Variants in LRRC20 observed in about 807,000 individuals in gnomAD.
The protein encoded by LRRC20 is leucine-rich repeat-containing protein 20.
Under a neutral mutation model 14.4 loss-of-function variants are expected in LRRC20, and 11 were observed. The observed-to-expected ratio is 0.77, with a 90% CI of 0.48 to 1.27. The LOEUF (loss-of-function observed/expected upper bound fraction) is 1.27, where lower values mean the gene tolerates loss of function less well. LRRC20 is among the 50% of genes most tolerant of loss of function. LRRC20 has a pLI of 0.00. For synonymous variants in LRRC20, 121 were observed against 107.3 expected, an observed-to-expected ratio of 1.13 and a Z score of -0.79; for missense variants, 219 against 251.2, an observed-to-expected ratio of 0.87 and a Z score of 0.87.
At chr10:70,333,665 C>T (rs1425066346) in intron 3 of LRRC20, among the ~76,000 whole-genome samples, 1 of 152,176 alleles carries the variant, frequency 6.6e-6, no homozygotes, top group Non-Finnish European at 1.5e-5. Flanking sequence ...CAGGTAGCTC[C>T]AGGGGTGGGG....
At chr10:70,315,997 C>T (rs927088315) in intron 4 of LRRC20, among the ~76,000 whole-genome samples, 1 of 152,172 alleles carries the variant, frequency 6.6e-6, no homozygotes, top group African/African-American at 2.4e-5. Context: ...GGCATCCTTG[C>T]AAAGCTGGGC....
intron 3 of LRRC20, among the ~76,000 whole-genome samples, chr10:70,340,120 C>CAA (rs1172436748): frequency 2.4e-5 from 3 of 125,208 alleles, no homozygotes; most frequent in Non-Finnish European, 3.5e-5. Flanking sequence ...GATTCCATCT[C>CAA]AAAAAAAAAA....
intron 1 of LRRC20, among the ~76,000 whole-genome samples, chr10:70,380,589 T>C (rs1292663205): frequency 6.6e-6 from 1 of 152,200 alleles, no homozygotes; most frequent in East Asian, 1.9e-4. Context: ...CAGCTGGCAC[T>C]ACTGGCCCCA....
chr10:70,346,815 A>G (rs1345097053), intron 2 of LRRC20, among the ~76,000 whole-genome samples: 1 of 152,272 alleles, frequency 6.6e-6, no homozygotes, highest in East Asian at 1.9e-4. Flanking sequence ...TTCTATATTT[A>G]TATAAAACCA....
At chr10:70,333,496 C>T (rs1842614573) in intron 3 of LRRC20, among the ~76,000 whole-genome samples, 1 of 152,180 alleles carries the variant, frequency 6.6e-6, no homozygotes, top group Non-Finnish European at 1.5e-5. Flanking sequence ...CCTCAAAATG[C>T]CCTCTGACCT....
At chr10:70,345,128 AAC>A (rs1843030232) in intron 2 of LRRC20, among the ~76,000 whole-genome samples, 1 of 152,202 alleles carries the variant, frequency 6.6e-6, no homozygotes, top group Admixed American at 6.5e-5. Context: ...AAATAATTAA[AAC>A]AGAGGGCAAA....
intron 2 of LRRC20, among the ~76,000 whole-genome samples, chr10:70,374,596 G>C (rs546087151): frequency 6.6e-6 from 1 of 151,942 alleles, no homozygotes; most frequent in African/African-American, 2.4e-5. Flanking sequence ...CACCTGCTTC[G>C]GCCTCCCAAA....
chr10:70,302,857 C>CGT (rs1841264294), intron 4 of LRRC20, among the ~76,000 whole-genome samples: 2 of 151,992 alleles, frequency 1.3e-5, no homozygotes, highest in South Asian at 4.2e-4. Context: ...ACTACAGGCG[C>CGT]GCGCCACCAT....
intron 3 of LRRC20, among the ~76,000 whole-genome samples, chr10:70,333,080 C>T (rs368632852): frequency 2.4e-4 from 36 of 152,190 alleles, no homozygotes; most frequent in African/African-American, 8.4e-4. Flanking sequence ...ACATCTGAAT[C>T]GCAGAGCTGG....
chr10:70,315,020 G>A (rs1240708593), intron 4 of LRRC20, among the ~76,000 whole-genome samples: 5 of 152,232 alleles, frequency 3.3e-5, no homozygotes, highest in African/African-American at 1.2e-4. Context: ...TCCCGGCTCA[G>A]ATGGAGTGAC....
At position 70,376,590 on chromosome 10, in the gene LRRC20, C is replaced by A. The variant is rs555581691; in HGVS notation, c.-57G>T. 1 of 1,555,366 alleles carries A rather than the reference C, an allele frequency of 6.4e-7. No individual in the cohort carries two copies. Among genetic ancestry groups the A allele is most frequent in the East Asian group, 2.2e-5 (1 of 44,674 alleles). On this transcript the variant is annotated 5_prime_UTR_variant, in exon 2 of 5. Coordinates refer to ENST00000446961, the MANE Select transcript of LRRC20 (RefSeq NM_001278212.2). ...GGCTGGTCTGCTTCTCACAAAAGGG[C>A]CTGAGCCTGGGGAAGACGCAGTGCC...
At chr10:70,328,027 G>A (rs959586164) in intron 3 of LRRC20, among the ~76,000 whole-genome samples, 15 of 152,160 alleles carry the variant, frequency 9.9e-5, no homozygotes, top group African/African-American at 3.6e-4. Flanking sequence ...GACAAGAGGA[G>A]AACCAGGAAG....
In LRRC20 at chr10:70,301,330, C is replaced by A; in HGVS notation, c.*24G>T. ...CCAGGCCTGTGGCCTCTGCCCCTTG[C>A]TGGGTGGGCATGAGGAGGGTGGCCT... On this transcript the variant is annotated 3_prime_UTR_variant, in exon 5 of 5. Coordinates refer to ENST00000446961, the MANE Select transcript of LRRC20 (RefSeq NM_001278212.2). The A allele has an allele frequency of 6.2e-7, 1 of 1,602,354 alleles. No homozygotes were observed. Among genetic ancestry groups the A allele is most frequent in the Non-Finnish European group, 8.5e-7 (1 of 1,175,100 alleles).
At chr10:70,301,533 T>A in intron 4 of LRRC20, 25 bp from the exon 5 acceptor site, 1 of 1,608,794 alleles carries the variant, frequency 6.2e-7, no homozygotes, top group Admixed American at 1.7e-5. Context: ...ATGGACAGGT[T>A]AGAGTGGTGG....
chr10:70,322,525 T>C (rs1842128489), intron 4 of LRRC20, among the ~76,000 whole-genome samples: 1 of 152,004 alleles, frequency 6.6e-6, no homozygotes, highest in African/African-American at 2.4e-5. Flanking sequence ...CTGGGCAGGC[T>C]CCTTCTGCTC....
intron 4 of LRRC20, among the ~76,000 whole-genome samples, chr10:70,312,668 C>T (rs1463625448): frequency 6.6e-6 from 1 of 152,202 alleles, no homozygotes; most frequent in Non-Finnish European, 1.5e-5. Context: ...GCCAGGGACA[C>T]AGACCCTAAT....
At chr10:70,329,274 G>A (rs888906013) in intron 3 of LRRC20, among the ~76,000 whole-genome samples, 2 of 152,208 alleles carry the variant, frequency 1.3e-5, no homozygotes, top group Non-Finnish European at 2.9e-5. Context: ...TTTGAGGTCA[G>A]AGTGAAAAAA....
At chr10:70,365,172 G>A (rs1196022214) in intron 2 of LRRC20, among the ~76,000 whole-genome samples, 2 of 147,594 alleles carry the variant, frequency 1.4e-5, no homozygotes, top group Non-Finnish European at 3.0e-5. Flanking sequence ...AGATTCTCCT[G>A]CCTCCGCCTC....
intron 4 of LRRC20, among the ~76,000 whole-genome samples, chr10:70,306,141 C>G (rs1411810465): frequency 1.1e-4 from 16 of 152,062 alleles, no homozygotes; most frequent in Non-Finnish European, 2.4e-4. Context: ...CCACCCCACA[C>G]ACACACACGC....
Sources: gnomAD v4.1 joint callset for allele counts (sites outside exome capture counted in the v4.1 genomes callset) on GRCh38, gnomAD v4.1.1 for gene constraint, MANE v1.5 for transcripts, NCBI Gene and HGNC (gene_info 2026-07-23, HGNC 2026-07-21) for gene names.